ATP8A2: variants seen among roughly 807,000 people sequenced by gnomAD.
The protein encoded by ATP8A2 is phospholipid-transporting ATPase IB.
ATP8A2 carries 100 observed loss-of-function variants against 165.6 expected under a neutral mutation model. The ratio of observed to expected loss-of-function variants is 0.60; its 90% CI spans 0.51 to 0.71. The LOEUF (loss-of-function observed/expected upper bound fraction) is 0.71. Among genes scored for constraint, ATP8A2 ranks in the 30% least tolerant of loss-of-function variants. ATP8A2 has a pLI of 0.00. For missense variants in ATP8A2, 1,227 were observed against 1,479.5 expected (o/e 0.83, Z 2.80); for synonymous variants, 543 against 548.8 (o/e 0.99, Z 0.15).
chr13:25,963,393 C>CAAAAAAAA (rs763926807), intron 34 of ATP8A2, among the ~76,000 whole-genome samples: 1 of 115,388 alleles, frequency 8.7e-6, no homozygotes, highest in Non-Finnish European at 1.9e-5. Context: ...GACTCCGTCT[C>CAAAAAAAA]AAAAAAAAAA....
intron 1 of ATP8A2, among the ~76,000 whole-genome samples, chr13:25,466,768 T>C (rs925647760): frequency 3.9e-5 from 6 of 152,156 alleles, no homozygotes; most frequent in South Asian, 2.1e-4. Context: ...AGGTGAGCAA[T>C]GAACCACTTT....
intron 27 of ATP8A2, among the ~76,000 whole-genome samples, chr13:25,781,040 T>A (rs916045307): frequency 6.6e-6 from 1 of 152,106 alleles, no homozygotes; most frequent in African/African-American, 2.4e-5. Flanking sequence ...GGTGGGTGGA[T>A]CACGAGGTCA....
At chr13:25,789,864 A>G (rs1037497113) in intron 27 of ATP8A2, among the ~76,000 whole-genome samples, 2 of 152,240 alleles carry the variant, frequency 1.3e-5, no homozygotes, top group Non-Finnish European at 2.9e-5. Context: ...ACAGCATGGT[A>G]CTGGTACAAA....
At chr13:25,898,592 G>T (rs552991445) in intron 33 of ATP8A2, among the ~76,000 whole-genome samples, 1 of 152,338 alleles carries the variant, frequency 6.6e-6, no homozygotes, top group Non-Finnish European at 1.5e-5. Flanking sequence ...GGTTATTGCT[G>T]TCTTTTGTTT....
intron 13 of ATP8A2, among the ~76,000 whole-genome samples, chr13:25,555,655 G>C (rs112762821): frequency 3.5e-5 from 1 of 28,692 alleles, no homozygotes; most frequent in Non-Finnish European, 1.1e-4. Context: ...TTTTAGATTC[G>C]GGGGTAAATG....
At chr13:25,881,613 A>G (rs973846337) in intron 33 of ATP8A2, among the ~76,000 whole-genome samples, 9 of 151,296 alleles carry the variant, frequency 5.9e-5, no homozygotes, top group Non-Finnish European at 1.0e-4. Context: ...GAGAGAGAGA[A>G]AGAGAGAGAG....
chr13:25,938,847 C>T (rs914001296), intron 33 of ATP8A2, among the ~76,000 whole-genome samples: 3 of 144,486 alleles, frequency 2.1e-5, no homozygotes, highest in Non-Finnish European at 4.6e-5. Flanking sequence ...TTCTCCTTTC[C>T]TTTTTTTTTT....
chr13:26,013,202 C>T (rs1370779442), intron 36 of ATP8A2, among the ~76,000 whole-genome samples: 2 of 152,078 alleles, frequency 1.3e-5, no homozygotes, highest in Non-Finnish European at 2.9e-5. Context: ...CCAGCTGAGG[C>T]AGATCCAGGC....
At chr13:25,400,737 T>G (rs1390186704) in intron 1 of ATP8A2, among the ~76,000 whole-genome samples, 2 of 152,198 alleles carry the variant, frequency 1.3e-5, no homozygotes, top group Non-Finnish European at 2.9e-5. Context: ...GAACACAGAC[T>G]CTTGCTGTAA....
intron 33 of ATP8A2, among the ~76,000 whole-genome samples, chr13:25,931,489 G>A (rs188850277): frequency 2.0e-5 from 3 of 152,274 alleles, no homozygotes; most frequent in Admixed American, 6.5e-5. Context: ...CCACAGAAGT[G>A]ACTGTGCCCC....
chr13:25,434,557 C>A (rs1292144971), intron 1 of ATP8A2, among the ~76,000 whole-genome samples: 1 of 152,070 alleles, frequency 6.6e-6, no homozygotes, highest in Non-Finnish European at 1.5e-5. Flanking sequence ...CCATGTTGGC[C>A]AGTCTGGTCT....
intron 25 of ATP8A2, among the ~76,000 whole-genome samples, chr13:25,759,590 A>C (rs2044338241): frequency 6.6e-6 from 1 of 152,212 alleles, no homozygotes; most frequent in African/African-American, 2.4e-5. Flanking sequence ...AAGCATTTCA[A>C]GGAAGCAGAG....
At chr13:25,962,249 G>A (rs1659812428) in intron 34 of ATP8A2, among the ~76,000 whole-genome samples, 1 of 152,116 alleles carries the variant, frequency 6.6e-6, no homozygotes, top group South Asian at 2.1e-4. Flanking sequence ...CCCATGCTTA[G>A]AGGGAAGCTA....
chr13:25,795,224 A>G (rs1004389036), intron 27 of ATP8A2, among the ~76,000 whole-genome samples: 1 of 152,194 alleles, frequency 6.6e-6, no homozygotes, highest in African/African-American at 2.4e-5. Context: ...GTGCTGGGGC[A>G]GGGAGGGATT....
chr13:25,935,185 G>A (rs1374415657), intron 33 of ATP8A2, among the ~76,000 whole-genome samples: 1 of 152,166 alleles, frequency 6.6e-6, no homozygotes, highest in East Asian at 1.9e-4. Flanking sequence ...AATTATGGTG[G>A]ATTTGGGCAG....
chr13:25,661,621 C>G (rs2137693632), intron 24 of ATP8A2, among the ~76,000 whole-genome samples: 1 of 152,286 alleles, frequency 6.6e-6, no homozygotes, highest in South Asian at 2.1e-4. Context: ...TTGCATAGCT[C>G]TGGAGAGACG....
intron 25 of ATP8A2, among the ~76,000 whole-genome samples, chr13:25,705,593 G>A (rs2043040146): frequency 6.6e-6 from 1 of 152,206 alleles, no homozygotes; most frequent in Non-Finnish European, 1.5e-5. Flanking sequence ...TTGAAAACAG[G>A]AGAGAGAAAA....
chr13:25,573,475 C>G (rs2039526290), intron 18 of ATP8A2, among the ~76,000 whole-genome samples: 1 of 152,136 alleles, frequency 6.6e-6, no homozygotes. Flanking sequence ...AAAAAGAATC[C>G]TACTCAACCA....
At chr13:25,683,272 G>A (rs1207040866) in intron 24 of ATP8A2, among the ~76,000 whole-genome samples, 2 of 152,204 alleles carry the variant, frequency 1.3e-5, no homozygotes, top group African/African-American at 4.8e-5. Flanking sequence ...TTGTGGTTGA[G>A]ACTGTAGTGA....
Sources: allele counts gnomAD v4.1 joint callset (sites outside exome capture counted in the v4.1 genomes callset), GRCh38; gene constraint gnomAD v4.1.1; transcripts MANE v1.5; gene names NCBI Gene and HGNC (gene_info 2026-07-23, HGNC 2026-07-21).